CRLF1: variants seen among roughly 807,000 people sequenced by gnomAD.
CRLF1 encodes the protein cytokine receptor like factor 1.
Under a neutral mutation model 48.9 loss-of-function variants are expected in CRLF1, and 36 were observed. That is an observed-to-expected ratio of 0.74 (90% CI 0.56 to 0.97). The LOEUF is 0.97. Among genes scored for constraint, CRLF1 ranks in the 50% least tolerant of loss-of-function variants. The probability of loss-of-function intolerance (pLI) is 0.00; values close to 1 mark genes in which losing one functional copy is unlikely to be tolerated. For synonymous variants in CRLF1, 256 were observed against 253.4 expected, an observed-to-expected ratio of 1.01 and a Z score of -0.10; for missense variants, 534 against 575.1, an observed-to-expected ratio of 0.93 and a Z score of 0.73.
At chr19:18,593,912 A>G (rs145390859) in intron 8 of CRLF1, 153 bp downstream of exon 8, 1 of 974,860 alleles carries the variant, frequency 1.0e-6, no homozygotes, top group East Asian at 1.1e-4. Flanking sequence ...AGTGCTAAGT[A>G]AATGCTGATG....
chr19:18,597,117 C>T, intron 4 of CRLF1, 68 bp from the exon 5 acceptor site: 1 of 1,536,168 alleles, frequency 6.5e-7, no homozygotes, highest in Non-Finnish European at 8.8e-7. Context: ...AGCAGTGTGG[C>T]CCAGGGCACT....
At chr19:18,597,908 A>T (rs957095026) in intron 4 of CRLF1, among the ~76,000 whole-genome samples, 2 of 151,492 alleles carry the variant, frequency 1.3e-5, no homozygotes, top group Non-Finnish European at 2.9e-5. Flanking sequence ...GGTTCTGAGG[A>T]TCCTTCTGGG....
At position 18,606,352 on chromosome 19, in the gene CRLF1, ACT is replaced by A. The variant is rs1000453698; in HGVS notation, c.115+188_115+189del. 5.4e-5 allele frequency among the ~76,000 whole-genome samples: 8 copies of A among 147,786 alleles called. No individual in the cohort carries two copies. Among genetic ancestry groups the A allele is most frequent in the African/African-American group, 1.5e-4 (6 of 40,226 alleles). ...ACAGGGCCTCGGGCGCGGAAGCAGG[ACT>A]CTCTGGACAGTGGACTGCGGCGCCG... On this transcript the variant is annotated intron_variant, in intron 1 of 8. Transcript: ENST00000392386. This position sits in a 1 kb window ranked among gnomAD's most constrained non-coding sequence, Gnocchi z 4.8.
rs755419832 is a variant in CRLF1, at chr19:18,597,066, G to A, written c.698-17C>T. 1 of 1,610,270 alleles carries A rather than the reference G, an allele frequency of 6.2e-7. No homozygotes were observed. Among genetic ancestry groups the A allele is most frequent in the Non-Finnish European group, 8.5e-7 (1 of 1,178,164 alleles). Reference sequence around the variant, plus strand: ...CCGTGGTCACTGCGGGGCAGAGGAGGGACCCTCTCAGCCTGGGACTGTCTG... The same window carrying A: ...CCGTGGTCACTGCGGGGCAGAGGAGAGACCCTCTCAGCCTGGGACTGTCTG... On this transcript the variant is annotated splice_polypyrimidine_tract_variant and intron_variant, in intron 4 of 8. Transcript: ENST00000392386.
At chr19:18,598,287 C>T (rs1229731582) in intron 4 of CRLF1, 145 bp downstream of exon 4, 4 of 831,148 alleles carry the variant, frequency 4.8e-6, no homozygotes, top group Non-Finnish European at 7.4e-6. Context: ...TTCCCTCTGA[C>T]CAGCAGGGAC....
intron 6 of CRLF1, among the ~76,000 whole-genome samples, chr19:18,596,216 C>A (rs2145328494): frequency 6.6e-6 from 1 of 152,200 alleles, no homozygotes; most frequent in Admixed American, 6.5e-5. Context: ...GGGGGGCCAC[C>A]AGTTTGAGAC....
At chr19:18,601,839 A>T (rs1976225311) in intron 1 of CRLF1, among the ~76,000 whole-genome samples, 1 of 152,196 alleles carries the variant, frequency 6.6e-6, no homozygotes, top group South Asian at 2.1e-4. Context: ...CCTTGCTGGA[A>T]TGAGGGAAGG....
intron 4 of CRLF1, among the ~76,000 whole-genome samples, chr19:18,597,931 C>A (rs573337309): frequency 1.3e-5 from 2 of 152,170 alleles, no homozygotes; most frequent in African/African-American, 2.4e-5. Context: ...CCCCTGAGGG[C>A]AGCAGGGTGA....
intron 8 of CRLF1, 81 bp from the exon 9 acceptor site, chr19:18,593,660 C>A: frequency 6.4e-7 from 1 of 1,553,514 alleles, no homozygotes; most frequent in Non-Finnish European, 8.7e-7. Context: ...AGGCTTCATT[C>A]GTGTCCTGTC....
Position 18,599,421 on chromosome 19 carries a change from C to T in CRLF1, c.397+144G>A, listed in dbSNP as rs1976188744. On this transcript the variant is annotated intron_variant, in intron 2 of 8. Coordinates refer to ENST00000392386, the MANE Select transcript of CRLF1 (RefSeq NM_004750.5). ...TTGCCCGACCGGGTCTCCAGGTTCT[C>T]ATTCCCACCTGAAAGACCTGCATAG... The T allele has an allele frequency of 3.2e-6, 4 of 1,233,830 alleles. No homozygotes were observed. The Admixed American group carries it at 8.5e-5, about 26-fold the overall frequency. 76.4% of individuals were successfully genotyped at this position (1,233,830 alleles called of 1,614,324 possible).
Position 18,593,580 on chromosome 19 carries a change from C to G in CRLF1, c.1256-1G>C. On this transcript the variant is annotated splice_acceptor_variant, in intron 8 of 8. Transcript: ENST00000392386. LOFTEE classifies it high-confidence loss of function. ...GCCCCTACAGCTTATCTGGCAGGAC[C>G]TGCAGGCAGAGGGGAAGCCAAGCTA... 6.2e-7 allele frequency: 1 copy of G among 1,609,168 alleles called. No individual in the cohort carries two copies. Among genetic ancestry groups the G allele is most frequent in the Admixed American group, 1.7e-5 (1 of 59,414 alleles).
At chr19:18,604,015 C>T (rs574866267) in intron 1 of CRLF1, among the ~76,000 whole-genome samples, 23 of 152,334 alleles carry the variant, frequency 1.5e-4, no homozygotes, top group African/African-American at 4.6e-4. Flanking sequence ...GCCCACCCAC[C>T]GCTTCCTGCC....
chr19:18,594,032 T>TGGAGC, intron 8 of CRLF1, 33 bp downstream of exon 8: 1 of 695,814 alleles, frequency 1.4e-6, no homozygotes, highest in Non-Finnish European at 2.2e-6. Flanking sequence ...CTCCCCTTGC[T>TGGAGC]CCCTCCCGCC....
Position 18,593,315 on chromosome 19 carries a change from A to AC in CRLF1, c.*250dup. 2 of 549,860 alleles carry AC rather than the reference A, an allele frequency of 3.6e-6. No homozygotes were observed. The highest frequency in any genetic ancestry group is 5.9e-5 in the East Asian group (2 of 33,672). 34.1% of individuals were successfully genotyped at this position (549,860 alleles called of 1,614,324 possible). ...ATGGGGAGTAATGACTCCCCTTCTC[A>AC]CCCCCAGCCCTGGCAGGGGTTCTAG... On this transcript the variant is annotated 3_prime_UTR_variant, in exon 9 of 9. Coordinates refer to ENST00000392386, the MANE Select transcript of CRLF1 (RefSeq NM_004750.5).
chr19:18,604,383 G>A (rs1334399898), intron 1 of CRLF1, among the ~76,000 whole-genome samples: 10 of 152,190 alleles, frequency 6.6e-5, no homozygotes, highest in Admixed American at 6.5e-4. Context: ...TTCTCCTCCC[G>A]GGATATGGGC....
In CRLF1 at chr19:18,598,872, A is replaced by C; in HGVS notation, c.427T>G (p.Cys143Gly). ...AAGTCCTTCATGTTCTTGGACCAGC[A>C]GCTGATGTTGACGGGTTTCTCTGGG... Reference protein sequence around the residue: ...LPPEKPVNISCWSKNMKDLTC... With the variant: ...LPPEKPVNISGWSKNMKDLTC... Residue 143 changes from cysteine (C) to glycine (G), a missense_variant, in exon 3 of 9, where the codon TGC becomes GGC. Cys to Gly is a radical substitution (Grantham distance 159). Coordinates refer to ENST00000392386, the MANE Select transcript of CRLF1 (RefSeq NM_004750.5). 6.2e-7 allele frequency: 1 copy of C among 1,614,034 alleles called. No homozygotes were observed. The highest frequency in any genetic ancestry group is 8.5e-7 in the Non-Finnish European group (1 of 1,179,978).
At position 18,599,504 on chromosome 19, in the gene CRLF1, A is replaced by G. The variant is rs1976189672; in HGVS notation, c.397+61T>C. 1.9e-6 allele frequency: 3 copies of G among 1,606,390 alleles called. No homozygotes were observed. In the East Asian group the frequency reaches 6.7e-5, roughly 36 times the overall value. ...CCAGAAGGCCCACAATTCATGCCTC[A>G]CTCCAGAGGGAGATGCCGCTCCCAA... On this transcript the variant is annotated intron_variant, in intron 2 of 8. Transcript: ENST00000392386.
intron 1 of CRLF1, among the ~76,000 whole-genome samples, chr19:18,600,696 T>C (rs1976210172): frequency 6.6e-6 from 1 of 152,102 alleles, no homozygotes; most frequent in Non-Finnish European, 1.5e-5. Flanking sequence ...AGACGGGGTT[T>C]CACCATATTG....
chr19:18,598,561 C>T lies in CRLF1; in HGVS notation c.568G>A (p.Val190Met). The T allele has an allele frequency of 6.2e-7, 1 of 1,614,062 alleles. No individual in the cohort carries two copies. The highest frequency in any genetic ancestry group is 8.5e-7 in the Non-Finnish European group (1 of 1,179,966). ...QDNTCEEYHT[V>M]GPHSCHIPKD... ...GGGATGTGGCAGGAGTGGGGCCCCA[C>T]TGTGTGGTACTCCTCACATGTGTTG... The change falls in exon 4 of 9, where the codon GTG (valine) becomes ATG (methionine). Residue 190 changes from valine to methionine, a missense_variant. Around this residue, in one of 2 missense-constraint regions of CRLF1, gnomAD observed 528 missense variants for 555.7 expected, o/e 0.95. Transcript: ENST00000392386.
Sources: allele counts gnomAD v4.1 joint callset (sites outside exome capture counted in the v4.1 genomes callset), GRCh38; gene constraint gnomAD v4.1.1; regional missense constraint gnomAD v4.1.1; non-coding constraint Gnocchi (gnomAD v3.1); transcripts MANE v1.5; gene names NCBI Gene and HGNC (gene_info 2026-07-23, HGNC 2026-07-21).